Variants in GPR176 observed in about 807,000 individuals in gnomAD.
GPR176 encodes G protein-coupled receptor 176.
In GPR176, 26 loss-of-function variants were observed where a neutral mutation model predicts 35.4. The observed-to-expected ratio is 0.74, with a 90% confidence interval of 0.54 to 1.02. The LOEUF is 1.02. Ranked by LOEUF, GPR176 falls within the 50% of genes least tolerant of loss-of-function variation. The pLI, the probability that GPR176 is intolerant of heterozygous loss-of-function variation, is 0.00. For missense variants in GPR176, 597 were observed against 665.3 expected, an observed-to-expected ratio of 0.90 and a Z score of 1.13; for synonymous variants, 278 against 271.3, an observed-to-expected ratio of 1.02 and a Z score of -0.24.
intron 1 of GPR176, among the ~76,000 whole-genome samples, chr15:39,906,615 T>C (rs2033429091): frequency 6.6e-6 from 1 of 152,204 alleles, no homozygotes; most frequent in Non-Finnish European, 1.5e-5. Context: ...TCATTCTTAT[T>C]TAAATCAGGT....
chr15:39,893,774 G>GT (rs2032970557), intron 1 of GPR176, among the ~76,000 whole-genome samples: 1 of 138,372 alleles, frequency 7.2e-6, no homozygotes, highest in Non-Finnish European at 1.6e-5. Context: ...GGCTGGCCAG[G>GT]CGGGGGCTGA....
rs147092319 is a variant in GPR176 at position 39,886,240 on chromosome 15, A to G, written c.172+33615T>C. 2.3e-3 allele frequency among the ~76,000 whole-genome samples: 357 copies of G among 152,238 alleles called. 3 individuals carry two copies. Among genetic ancestry groups the G allele is most frequent in the African/African-American group, 8.0e-3 (331 of 41,544 alleles). Reference sequence around the variant, plus strand: ...AAGAGTGAAATTCTGTCTCAAAAAAAAAAAGAAAGAAAGAAATGGGAATAT... The same window carrying G: ...AAGAGTGAAATTCTGTCTCAAAAAAGAAAAGAAAGAAAGAAATGGGAATAT... On this transcript the variant is annotated intron_variant, in intron 1 of 2. Transcript: ENST00000561100.
intron 1 of GPR176, among the ~76,000 whole-genome samples, chr15:39,858,978 C>T (rs2031421131): frequency 6.6e-6 from 1 of 152,050 alleles, no homozygotes; most frequent in Non-Finnish European, 1.5e-5. Context: ...AATTCCTGAC[C>T]TCAGGTGGTC....
At chr15:39,852,754 A>G (rs2030957165) in intron 1 of GPR176, among the ~76,000 whole-genome samples, 1 of 152,226 alleles carries the variant, frequency 6.6e-6, no homozygotes, top group Non-Finnish European at 1.5e-5. Flanking sequence ...CTTAGGGCAC[A>G]TATTTAAATA....
chr15:39,819,177 G>A, intron 1 of GPR176, among the ~76,000 whole-genome samples: 1 of 152,182 alleles, frequency 6.6e-6, no homozygotes, highest in East Asian at 1.9e-4. Context: ...ATCCAAACAA[G>A]CCACGCTTGA....
intron 1 of GPR176, among the ~76,000 whole-genome samples, chr15:39,884,885 C>T (rs2032613872): frequency 6.6e-6 from 1 of 152,134 alleles, no homozygotes; most frequent in African/African-American, 2.4e-5. Flanking sequence ...CACATTGTTG[C>T]CCTAAACAAA....
intron 1 of GPR176, among the ~76,000 whole-genome samples, chr15:39,910,923 A>T (rs2033561343): frequency 6.6e-6 from 1 of 151,968 alleles, no homozygotes; most frequent in South Asian, 2.1e-4. Context: ...CTGTAATACC[A>T]GCTACTCAGG....
intron 1 of GPR176, among the ~76,000 whole-genome samples, chr15:39,849,273 C>T (rs1001949489): frequency 1.3e-5 from 2 of 152,176 alleles, no homozygotes; most frequent in African/African-American, 4.8e-5. Flanking sequence ...AATCCTATCA[C>T]TATTAAGACA....
intron 1 of GPR176, among the ~76,000 whole-genome samples, chr15:39,824,271 A>G (rs889184305): frequency 3.9e-5 from 6 of 152,232 alleles, no homozygotes; most frequent in Non-Finnish European, 5.9e-5. Flanking sequence ...TGTGAGCCAA[A>G]TAAACCTCTT....
At chr15:39,812,032 G>C (rs1166777) in intron 1 of GPR176, among the ~76,000 whole-genome samples, 1 of 151,924 alleles carries the variant, frequency 6.6e-6, no homozygotes, top group African/African-American at 2.4e-5. Context: ...ACTGTTGGCT[G>C]ATTATTTATA....
At chr15:39,848,188 T>C (rs970996019) in intron 1 of GPR176, among the ~76,000 whole-genome samples, 1 of 152,084 alleles carries the variant, frequency 6.6e-6, no homozygotes, top group Non-Finnish European at 1.5e-5. Flanking sequence ...AGTCAAACCA[T>C]ATCAATAGAC....
Position 39,920,051 on chromosome 15 carries a change from C to T in GPR176, c.-25G>A, listed in dbSNP as rs1233801198. 4.7e-6 allele frequency: 6 copies of T among 1,283,262 alleles called. No individual in the cohort carries two copies. Among genetic ancestry groups the T allele is most frequent in the Non-Finnish European group, 5.0e-6 (5 of 1,008,638 alleles). The allele number at this position is 1,283,262 out of a possible 1,614,324, so 79.5% of individuals were successfully genotyped here. On this transcript the variant is annotated 5_prime_UTR_variant, in exon 1 of 3. Coordinates refer to ENST00000561100, the MANE Select transcript of GPR176 (RefSeq NM_007223.3). ...TGGCGAGGCTGGGACTCCGGCTCCG[C>T]GCGCCGCCCGCCTCGGAGCCCCGCG...
Position 39,871,219 on chromosome 15 carries a change from T to C in GPR176, c.172+48636A>G, listed in dbSNP as rs200779038. Among the ~76,000 whole-genome samples the C allele has an allele frequency of 1.1e-4, 16 of 152,290 alleles. No individual in the cohort carries two copies. The East Asian group carries it at 2.7e-3, about 26-fold the overall frequency. ...TGAAAATTTTAGAGTACGTGTGCAT[T>C]TAACTAAGGAATGGGTTCATAACTT... On this transcript the variant is annotated intron_variant, in intron 1 of 2. Coordinates refer to ENST00000561100, the MANE Select transcript of GPR176 (RefSeq NM_007223.3).
At chr15:39,855,502 T>C (rs1233266943) in intron 1 of GPR176, among the ~76,000 whole-genome samples, 1 of 152,178 alleles carries the variant, frequency 6.6e-6, no homozygotes, top group East Asian at 1.9e-4. Flanking sequence ...AGAGGCGTGA[T>C]TTCCTCTTCC....
intron 1 of GPR176, among the ~76,000 whole-genome samples, chr15:39,830,933 T>A (rs189810820): frequency 9.9e-4 from 151 of 152,270 alleles, no homozygotes; most frequent in African/African-American, 3.5e-3. Flanking sequence ...AGAGTCAATG[T>A]CAGTATAAGC....
chr15:39,902,511 T>C (rs117383060), intron 1 of GPR176, among the ~76,000 whole-genome samples: 3,953 of 152,294 alleles, frequency 0.026, 101 homozygotes, highest in Middle Eastern at 0.054. Flanking sequence ...TGGTCATTTG[T>C]AGATTCATTG....
Position 39,801,103 on chromosome 15 carries a change from C to T in GPR176, c.*29G>A, listed in dbSNP as rs1488364880. 2 of 1,549,766 alleles carry T rather than the reference C, an allele frequency of 1.3e-6. No homozygotes were observed. Among genetic ancestry groups the T allele is most frequent in the Middle Eastern group, 1.7e-4 (1 of 5,766 alleles). ...ACTCTGGTGGGAATATGGAAGCTCC[C>T]CGTTGCTTCCAAGAATTTACAATCC... On this transcript the variant is annotated 3_prime_UTR_variant, in exon 3 of 3. Transcript: ENST00000561100.
intron 1 of GPR176, among the ~76,000 whole-genome samples, chr15:39,911,730 C>T (rs1016411765): frequency 1.3e-4 from 20 of 152,110 alleles, no homozygotes; most frequent in African/African-American, 4.8e-4. Flanking sequence ...TTTGGTCATG[C>T]CTTACAGTAT....
intron 1 of GPR176, among the ~76,000 whole-genome samples, chr15:39,881,699 C>T (rs992126541): frequency 6.6e-6 from 1 of 151,884 alleles, no homozygotes; most frequent in Non-Finnish European, 1.5e-5. Flanking sequence ...TTGTTTTATC[C>T]CCAGCTCACA....
Sources: gnomAD v4.1 joint callset for allele counts (sites outside exome capture counted in the v4.1 genomes callset) on GRCh38, gnomAD v4.1.1 for gene constraint, MANE v1.5 for transcripts, NCBI Gene and HGNC (gene_info 2026-07-23, HGNC 2026-07-21) for gene names.